LMO7: variants seen among roughly 807,000 people sequenced by gnomAD.
LMO7 encodes LIM domain only protein 7.
Under a neutral mutation model 206.5 loss-of-function variants are expected in LMO7, and 120 were observed. The ratio of observed to expected loss-of-function variants is 0.58; its 90% CI spans 0.50 to 0.68. The LOEUF is 0.68. LMO7 is among the 30% of genes least tolerant of loss of function. The probability of loss-of-function intolerance (pLI) is 0.00; values close to 1 mark genes in which losing one functional copy is unlikely to be tolerated. For synonymous variants in LMO7, 706 were observed against 681.5 expected (o/e 1.04, Z -0.56); for missense variants, 1,959 against 1,957.9 (o/e 1.00, Z -0.01).
chr13:75,743,415 C>T (rs1420084805), intron 3 of LMO7, among the ~76,000 whole-genome samples: 3 of 152,098 alleles, frequency 2.0e-5, no homozygotes, highest in Non-Finnish European at 4.4e-5. Context: ...TTCATTGCAG[C>T]ACAATTCACA....
At position 75,821,448 on chromosome 13, in the gene LMO7, T is replaced by C; in HGVS notation, c.2479T>C (p.Ser827Pro). Reference protein sequence around the residue: ...VEEQSPASLSSLRSRSTQMES... With the variant: ...VEEQSPASLSPLRSRSTQMES... ...AGAACAAAGCCCAGCCTCTTTGTCT[T>C]CTCTGCGTTCACGGAGCACACAAAT... The change falls in exon 14 of 31, where the codon TCT becomes CCT. Residue 827 changes from serine (S) to proline (P), a missense_variant. By Grantham distance (74) the Ser-to-Pro change is moderately conservative. Transcript: ENST00000377534. The C allele has an allele frequency of 3.7e-6, 6 of 1,614,206 alleles. No homozygotes were observed. Among genetic ancestry groups the C allele is most frequent in the Non-Finnish European group, 5.1e-6 (6 of 1,180,028 alleles).
At chr13:75,641,147 A>T (rs916269784) in intron 1 of LMO7, among the ~76,000 whole-genome samples, 1 of 152,204 alleles carries the variant, frequency 6.6e-6, no homozygotes, top group Non-Finnish European at 1.5e-5. Context: ...ACTGAAGTTC[A>T]TCCGGTGCAT....
At chr13:75,735,131 GTGTGTGTGTGTA>G (rs2045675600) in intron 3 of LMO7, among the ~76,000 whole-genome samples, 1 of 150,862 alleles carries the variant, frequency 6.6e-6, no homozygotes, top group Non-Finnish European at 1.5e-5. Flanking sequence ...GTGTGTGTGT[GTGTGTGTGTGTA>G]TGTATGTACA....
intron 3 of LMO7, among the ~76,000 whole-genome samples, chr13:75,758,985 G>C (rs964123541): frequency 2.0e-5 from 3 of 152,142 alleles, no homozygotes; most frequent in Admixed American, 6.6e-5. Context: ...ACAAAGCAAA[G>C]AGATTTAAAT....
At chr13:75,840,600 A>C (rs2139204778) in intron 22 of LMO7, 105 bp downstream of exon 22, 4,043 of 1,264,012 alleles carry the variant, frequency 3.2e-3, no homozygotes, top group Non-Finnish European at 4.1e-3. Context: ...CAACAATCTC[A>C]CAACTAACAA....
chr13:75,684,377 G>A (rs1403301932), intron 1 of LMO7, among the ~76,000 whole-genome samples: 2 of 151,872 alleles, frequency 1.3e-5, no homozygotes, highest in Non-Finnish European at 2.9e-5. Flanking sequence ...GAGTAGCTGG[G>A]ATTACAGGCA....
chr13:75,820,014 C>T (rs1693403244), intron 13 of LMO7, among the ~76,000 whole-genome samples: 1 of 152,114 alleles, frequency 6.6e-6, no homozygotes, highest in Non-Finnish European at 1.5e-5. Flanking sequence ...TTACTCTTTG[C>T]ATTGCATCTT....
At chr13:75,761,214 G>A (rs2048181167) in intron 4 of LMO7, among the ~76,000 whole-genome samples, 176 bp downstream of exon 4, 1 of 152,096 alleles carries the variant, frequency 6.6e-6, no homozygotes, top group African/African-American at 2.4e-5. Context: ...GGACTGTGAA[G>A]GTGAAGCTGT....
chr13:75,640,644 C>T (rs1275400557), intron 1 of LMO7, among the ~76,000 whole-genome samples: 4 of 152,092 alleles, frequency 2.6e-5, no homozygotes, highest in South Asian at 4.1e-4. Flanking sequence ...GGGCAGGAAT[C>T]GTATCTTATT....
In LMO7 at chr13:75,858,897, A is replaced by C. The variant is rs2061145781; in HGVS notation, c.*954A>C. The C allele has an allele frequency of 6.6e-6, 1 of 152,192 alleles. No individual in the cohort carries two copies. Among genetic ancestry groups the C allele is most frequent in the Non-Finnish European group, 1.5e-5 (1 of 68,028 alleles). The allele number at this position is 152,192 out of a possible 1,614,324, so 9.4% of individuals were successfully genotyped here. On this transcript the variant is annotated 3_prime_UTR_variant, in exon 31 of 31. Coordinates refer to ENST00000377534, the MANE Select transcript of LMO7 (RefSeq NM_001306080.2). ...ACAGTCTGGATGTGTTTACTGAAACATTTTAATAAGGAAGTTTATTTTTGA... is the reference window on the plus strand; with the variant it reads ...ACAGTCTGGATGTGTTTACTGAAACCTTTTAATAAGGAAGTTTATTTTTGA...
At chr13:75,838,256 T>G (rs1379073224) in intron 20 of LMO7, 60 bp downstream of exon 20, 2 of 1,521,334 alleles carry the variant, frequency 1.3e-6, no homozygotes, top group Non-Finnish European at 1.8e-6. Context: ...TCTCCACTCT[T>G]CCTCATGGTC....
At chr13:75,755,139 G>A (rs954650579) in intron 3 of LMO7, among the ~76,000 whole-genome samples, 13 of 152,066 alleles carry the variant, frequency 8.5e-5, no homozygotes, top group Non-Finnish European at 1.5e-4. Context: ...CAGACTTGCA[G>A]AGTGAAAGAC....
intron 29 of LMO7, among the ~76,000 whole-genome samples, chr13:75,855,906 A>G (rs1246012116): frequency 4.6e-5 from 7 of 152,204 alleles, no homozygotes; most frequent in African/African-American, 1.7e-4. Context: ...TGATTCTTGA[A>G]CTTGCATTGG....
chr13:75,781,763 A>G lies in LMO7; in HGVS notation c.318-13638A>G, dbSNP rs574846838. 8.5e-4 allele frequency among the ~76,000 whole-genome samples: 129 copies of G among 152,152 alleles called. 1 individual carries two copies. In the East Asian group the frequency reaches 0.019, roughly 23 times the overall value. On this transcript the variant is annotated intron_variant, in intron 4 of 30. Transcript: ENST00000377534. ...CCATCAACAGTGTAAAAGTGTTCCT[A>G]TTTCTCCACATCCTCTCCAGCACCT...
rs773563902 is a variant in LMO7, at chr13:75,727,098, G to A, written c.210G>A (p.Leu70=). Residue 70 remains leucine (L), a splice_region_variant and synonymous_variant, in exon 3 of 31, where the codon TTG becomes TTA. Coordinates refer to ENST00000377534, the MANE Select transcript of LMO7 (RefSeq NM_001306080.2). ...INRLSTPIAG[L]DNINVFLKAC... ...GACTGTCTACACCAATAGCAGGATT[G>A]GTAAGTAGTAAATTATCTTCACAAC... 8 of 1,554,078 alleles carry A rather than the reference G, an allele frequency of 5.1e-6. No homozygotes were observed. The highest frequency in any genetic ancestry group is 3.4e-4 in the Middle Eastern group (2 of 5,888).
chr13:75,799,399 C>A (rs2054453472), intron 6 of LMO7, among the ~76,000 whole-genome samples: 1 of 152,112 alleles, frequency 6.6e-6, no homozygotes, highest in South Asian at 2.1e-4. Context: ...TTTATCCATC[C>A]ATCTATGTTT....
intron 4 of LMO7, among the ~76,000 whole-genome samples, chr13:75,773,890 C>T (rs1036817898): frequency 6.6e-6 from 1 of 152,012 alleles, no homozygotes; most frequent in Non-Finnish European, 1.5e-5. Flanking sequence ...AAGTATTCCT[C>T]ATTCCGTTTT....
At chr13:75,640,836 G>C (rs1309780561) in intron 1 of LMO7, among the ~76,000 whole-genome samples, 1 of 152,210 alleles carries the variant, frequency 6.6e-6, no homozygotes, top group African/African-American at 2.4e-5. Context: ...GTTGGAACCT[G>C]CTACAGGATG....
At chr13:75,742,117 C>T (rs1405416325) in intron 3 of LMO7, among the ~76,000 whole-genome samples, 2 of 152,130 alleles carry the variant, frequency 1.3e-5, no homozygotes, top group African/African-American at 4.8e-5. Flanking sequence ...AACACAGTCC[C>T]ATTCACAGTT....
Sources: gnomAD v4.1 joint callset for allele counts (sites outside exome capture counted in the v4.1 genomes callset) on GRCh38, gnomAD v4.1.1 for gene constraint, MANE v1.5 for transcripts, NCBI Gene and HGNC (gene_info 2026-07-23, HGNC 2026-07-21) for gene names.